Variants in LPIN1 observed in about 807,000 individuals in gnomAD.
LPIN1 encodes the protein phosphatidate phosphatase LPIN1.
In LPIN1, 71 loss-of-function variants were observed where a neutral mutation model predicts 107.5. The ratio of observed to expected loss-of-function variants is 0.66; its 90% CI spans 0.55 to 0.80. LPIN1 has a LOEUF of 0.80. Ranked by LOEUF, LPIN1 falls within the 30% of genes least tolerant of loss-of-function variation. The pLI is 0.00. For synonymous variants in LPIN1, 445 were observed against 452.6 expected, an observed-to-expected ratio of 0.98 and a Z score of 0.21; for missense variants, 1,043 against 1,160.6, an observed-to-expected ratio of 0.90 and a Z score of 1.47.
rs201134176 is a variant in LPIN1 at position 11,773,684 on chromosome 2, G to A, written c.661G>A (p.Val221Met). 3.7e-6 allele frequency: 6 copies of A among 1,613,178 alleles called. No individual in the cohort carries two copies. The East Asian group carries it at 1.1e-4, about 30-fold the overall frequency. The change falls in exon 5 of 21, where the codon GTG (valine) becomes ATG (methionine). Residue 221 changes from valine to methionine, a missense_variant. Transcript: ENST00000674199. ...TCCTGAGGAAAACCTCTCCCTGGCTGTGATTTACCCTCAGTCAGCCTCATA... is the reference window on the plus strand; with the variant it reads ...TCCTGAGGAAAACCTCTCCCTGGCTATGATTTACCCTCAGTCAGCCTCATA... ...DIPEENLSLA[V>M]IYPQSASYPN...
chr2:11,808,177 A>G (rs1290873238), intron 17 of LPIN1, among the ~76,000 whole-genome samples: 2 of 152,148 alleles, frequency 1.3e-5, no homozygotes, highest in East Asian at 1.9e-4. Context: ...GCTGGACTCT[A>G]TGTGGATATC....
chr2:11,763,854 G>GTCT (rs1670253407), intron 1 of LPIN1, among the ~76,000 whole-genome samples: 1 of 150,706 alleles, frequency 6.6e-6, no homozygotes, highest in African/African-American at 2.4e-5. Context: ...GGGTGTCCCT[G>GTCT]TCCTCCAAGC....
At chr2:11,763,454 G>C (rs541888963) in intron 1 of LPIN1, among the ~76,000 whole-genome samples, 1 of 152,328 alleles carries the variant, frequency 6.6e-6, no homozygotes, top group African/African-American at 2.4e-5. Context: ...TAACACGGCG[G>C]CAGCTCGCAG....
intron 14 of LPIN1, among the ~76,000 whole-genome samples, chr2:11,797,954 C>G (rs1677016662): frequency 6.6e-6 from 1 of 152,126 alleles, no homozygotes; most frequent in Non-Finnish European, 1.5e-5. Context: ...CCCCAGGTGT[C>G]AAGGGTGGGA....
chr2:11,739,638 A>G (rs573789734), intron 1 of LPIN1, among the ~76,000 whole-genome samples: 4 of 152,372 alleles, frequency 2.6e-5, no homozygotes, highest in African/African-American at 9.6e-5. Flanking sequence ...ACTGCATCTC[A>G]GAACAAAGCA....
chr2:11,682,653 G>GTGACAGA (rs1270674105), intron 1 of LPIN1: 1 of 152,188 alleles, frequency 6.6e-6, no homozygotes, highest in Non-Finnish European at 1.5e-5. Flanking sequence ...TAGCATTTAA[G>GTGACAGA]TGACAGAGAT....
intron 1 of LPIN1, among the ~76,000 whole-genome samples, chr2:11,687,663 T>C (rs185819138): frequency 3.2e-4 from 49 of 152,298 alleles, no homozygotes; most frequent in African/African-American, 1.2e-3. Flanking sequence ...TGCAATACAT[T>C]TGTAGCAATG....
chr2:11,710,224 A>G (rs76582772), intron 1 of LPIN1, among the ~76,000 whole-genome samples: 3,040 of 152,188 alleles, frequency 0.02, 39 homozygotes, highest in African/African-American at 0.043. Flanking sequence ...TCCAAATACC[A>G]TCACCTTAGG....
At chr2:11,714,430 C>T (rs1421130589) in intron 2 of LPIN1, among the ~76,000 whole-genome samples, 1 of 152,208 alleles carries the variant, frequency 6.6e-6, no homozygotes, top group Non-Finnish European at 1.5e-5. Context: ...CATCACTACC[C>T]TCACTCCTCA....
chr2:11,723,210 C>T (rs1664280161), upstream of LPIN1, among the ~76,000 whole-genome samples: 1 of 152,182 alleles, frequency 6.6e-6, no homozygotes, highest in African/African-American at 2.4e-5. Context: ...TCTGTGTTTT[C>T]CCAAAGAGTG....
chr2:11,816,057 G>C (rs1680522453), intron 18 of LPIN1: 1 of 152,248 alleles, frequency 6.6e-6, no homozygotes, highest in African/African-American at 2.4e-5. Context: ...GATTCTGCCT[G>C]AATTTGAAGA....
In LPIN1 at chr2:11,765,764, C is replaced by A; in HGVS notation, c.192+31C>A. 1.3e-6 allele frequency: 2 copies of A among 1,591,036 alleles called. No homozygotes were observed. The highest frequency in any genetic ancestry group is 1.7e-6 in the Non-Finnish European group (2 of 1,162,774). On this transcript the variant is annotated intron_variant, in intron 2 of 20. Transcript: ENST00000674199. This position sits in a 1 kb window ranked among gnomAD's most constrained non-coding sequence, Gnocchi z 4.4. ...CTCTCAGGGCACGGGGACCTGGCAC[C>A]GGCTCTCCTTAGAGAATGCCCTTGT...
At chr2:11,741,481 G>T (rs1363380723) in intron 2 of LPIN1, 3 of 1,338,362 alleles carry the variant, frequency 2.2e-6, no homozygotes, top group Non-Finnish European at 2.1e-6. Context: ...ATGACCATTA[G>T]ATAAATAATA....
At chr2:11,782,130 C>A in intron 7 of LPIN1, 71 bp from the exon 8 acceptor site, 1 of 1,146,210 alleles carries the variant, frequency 8.7e-7, no homozygotes, top group Non-Finnish European at 1.3e-6. Flanking sequence ...CTCCTTGGGT[C>A]ACTCAGTTTT....
chr2:11,773,356 G>T (rs1268773720), intron 4 of LPIN1, among the ~76,000 whole-genome samples: 1 of 152,164 alleles, frequency 6.6e-6, no homozygotes, highest in Non-Finnish European at 1.5e-5. Context: ...ATCCAGCAGT[G>T]TGATCACTGC....
chr2:11,803,166 TG>T lies in LPIN1; in HGVS notation c.2013+136del, dbSNP rs1326817772. The stretch of plus-strand genomic sequence containing the variant: ...CCCAGGGGGCCTGCAATCCCTCAAC[TG>T]GGTACCCGCTGTTTCCACCCCAACT... On this transcript the variant is annotated intron_variant, in intron 15 of 20. Transcript: ENST00000674199. This position sits in a 1 kb window ranked among gnomAD's most constrained non-coding sequence, Gnocchi z 4.2. The T allele has an allele frequency of 3.2e-6, 4 of 1,235,972 alleles. No homozygotes were observed. The highest frequency in any genetic ancestry group is 4.7e-6 in the Non-Finnish European group (4 of 854,590). The allele number at this position is 1,235,972 out of a possible 1,614,324, so 76.6% of individuals were successfully genotyped here.
intron 17 of LPIN1, among the ~76,000 whole-genome samples, chr2:11,812,292 T>A (rs1471873086): frequency 1.3e-5 from 2 of 152,194 alleles, no homozygotes; most frequent in Admixed American, 1.3e-4. Context: ...TGGGACAAAG[T>A]CCCTGTCCTC....
chr2:11,821,005 C>CT (rs1229720928), intron 20 of LPIN1, among the ~76,000 whole-genome samples: 1 of 152,170 alleles, frequency 6.6e-6, no homozygotes, highest in Non-Finnish European at 1.5e-5. Context: ...TGGGATTACT[C>CT]TTTCTAATGA....
At position 11,686,993 on chromosome 2, in the gene LPIN1, CTTTTTTT is replaced by C. The variant is rs141927239; in HGVS notation, c.81+9284_81+9290del. Among the ~76,000 whole-genome samples the C allele has an allele frequency of 7.8e-4, 66 of 85,122 alleles. 1 individual carries two copies. Among genetic ancestry groups the C allele is most frequent in the African/African-American group, 2.5e-3 (50 of 19,660 alleles). 55.8% of individuals were successfully genotyped at this position (85,122 alleles called of 152,430 possible). On this transcript the variant is annotated intron_variant, in intron 1 of 21. Transcript: ENST00000449576. ...CTGCTCCATGTCATAGCTTTTGATC[CTTTTTTT>C]TTTTTTTTTTTTTTTTTTGAGATGA...
Sources: gnomAD v4.1 joint callset for allele counts (sites outside exome capture counted in the v4.1 genomes callset) on GRCh38, gnomAD v4.1.1 for gene constraint, Gnocchi (gnomAD v3.1) non-coding constraint, MANE v1.5 for transcripts, NCBI Gene and HGNC (gene_info 2026-07-23, HGNC 2026-07-21) for gene names.